BANK1: variants seen among roughly 807,000 people sequenced by gnomAD.
BANK1 encodes the protein B-cell scaffold protein with ankyrin repeats.
Under a neutral mutation model 94.5 loss-of-function variants are expected in BANK1, and 95 were observed. The observed-to-expected ratio is 1.00, with a 90% CI of 0.85 to 1.19. BANK1 has a LOEUF of 1.19. Ranked by LOEUF, BANK1 falls within the 50% of genes most tolerant of loss-of-function variation. The pLI is 0.00. For synonymous variants in BANK1, 334 were observed against 308.4 expected, an observed-to-expected ratio of 1.08 and a Z score of -0.87; for missense variants, 987 against 932.2, an observed-to-expected ratio of 1.06 and a Z score of -0.77.
intron 7 of BANK1, among the ~76,000 whole-genome samples, chr4:101,952,488 C>T (rs1268367336): frequency 1.3e-5 from 2 of 152,006 alleles, no homozygotes; most frequent in Admixed American, 1.3e-4. Context: ...AGCGAAAGGA[C>T]ATTTATATTT....
Position 101,790,885 on chromosome 4 carries a change from T to A in BANK1, c.5T>A (p.Leu2Gln). 6.5e-7 allele frequency: 1 copy of A among 1,538,940 alleles called. No homozygotes were observed. Among genetic ancestry groups the A allele is most frequent in the Non-Finnish European group, 8.7e-7 (1 of 1,146,762 alleles). M[L>Q]PAAPGKGLGS... ...CCCTCGGCTTCAACCGCCACAATGC[T>A]GCCAGCAGCGCCAGGCAAGGGGCTT... Residue 2 changes from leucine to glutamine, a missense_variant, in exon 1 of 17, where the codon CTG becomes CAG. Coordinates refer to ENST00000322953, the MANE Select transcript of BANK1 (RefSeq NM_017935.5).
chr4:101,992,316 A>T (rs1372219079), intron 7 of BANK1, among the ~76,000 whole-genome samples: 1 of 152,196 alleles, frequency 6.6e-6, no homozygotes, highest in Non-Finnish European at 1.5e-5. Context: ...ATATAATTTT[A>T]AAAAGAAGGG....
At chr4:101,818,015 C>G (rs1381081155) in intron 1 of BANK1, among the ~76,000 whole-genome samples, 1 of 152,048 alleles carries the variant, frequency 6.6e-6, no homozygotes, top group African/African-American at 2.4e-5. Flanking sequence ...TATGGTTTAT[C>G]CTTCACACTC....
At chr4:101,967,730 CCTTAA>C (rs1724812044) in intron 7 of BANK1, among the ~76,000 whole-genome samples, 2 of 151,790 alleles carry the variant, frequency 1.3e-5, no homozygotes, top group Non-Finnish European at 2.9e-5. Context: ...TTGGATTAAA[CCTTAA>C]CTTAATTATT....
rs1722773071 is a variant in BANK1, at chr4:101,914,667, G to A, written c.1010-3326G>A. Among the ~76,000 whole-genome samples, 7 of 152,092 alleles carry A rather than the reference G, an allele frequency of 4.6e-5. No individual in the cohort carries two copies. The South Asian group carries it at 1.4e-3, about 32-fold the overall frequency. On this transcript the variant is annotated intron_variant, in intron 6 of 16. Transcript: ENST00000322953. ...ATTGATACATAACCTTGCTTTATGTGTGTTTCTGTTTAAAAATACCTTATT... is the reference window on the plus strand; with the variant it reads ...ATTGATACATAACCTTGCTTTATGTATGTTTCTGTTTAAAAATACCTTATT...
chr4:101,817,891 G>A (rs538358115), intron 1 of BANK1, among the ~76,000 whole-genome samples: 38 of 151,504 alleles, frequency 2.5e-4, no homozygotes, highest in African/African-American at 9.2e-4. Flanking sequence ...TTTATATGTG[G>A]CCCGAGACAA....
At chr4:101,839,983 TTTTG>T in intron 2 of BANK1, among the ~76,000 whole-genome samples, 1 of 91,782 alleles carries the variant, frequency 1.1e-5, no homozygotes, top group Admixed American at 1.4e-4. Flanking sequence ...TTTTTTTTTT[TTTTG>T]AGACAGAGTC....
intron 2 of BANK1, among the ~76,000 whole-genome samples, chr4:101,831,008 C>T (rs1560592088): frequency 1.3e-5 from 2 of 152,172 alleles, no homozygotes; most frequent in Non-Finnish European, 2.9e-5. Context: ...CAAATAGTCC[C>T]TCTTCTCTAA....
At chr4:101,903,179 A>G (rs563336355) in intron 6 of BANK1, among the ~76,000 whole-genome samples, 132 of 152,310 alleles carry the variant, frequency 8.7e-4, no homozygotes, top group African/African-American at 3.1e-3. Context: ...AGCACCTTCA[A>G]TTGGTTTGGA....
At chr4:101,840,782 T>C (rs1392281885) in intron 2 of BANK1, among the ~76,000 whole-genome samples, 2 of 152,130 alleles carry the variant, frequency 1.3e-5, no homozygotes, top group Non-Finnish European at 2.9e-5. Context: ...CACCTCTGTA[T>C]TTCTGTGTGT....
intron 1 of BANK1, among the ~76,000 whole-genome samples, chr4:101,826,696 A>G (rs993521176): frequency 6.6e-6 from 1 of 151,992 alleles, no homozygotes; most frequent in Non-Finnish European, 1.5e-5. Context: ...GAATAACAGA[A>G]CTATATTGAT....
At position 101,883,171 on chromosome 4, in the gene BANK1, A is replaced by G. The variant is rs536116518; in HGVS notation, c.904-12134A>G. Among the ~76,000 whole-genome samples the G allele has an allele frequency of 5.3e-5, 8 of 152,362 alleles. No individual in the cohort carries two copies. The South Asian group carries it at 1.7e-3, about 32-fold the overall frequency. ...CTGTAATAATAGTCAAAGGAAAATA[A>G]TTCCAAATTGGGGTAGTTCAGATTT... On this transcript the variant is annotated intron_variant, in intron 5 of 16. Coordinates refer to ENST00000322953, the MANE Select transcript of BANK1 (RefSeq NM_017935.5).
intron 7 of BANK1, among the ~76,000 whole-genome samples, chr4:102,006,363 T>TTCTA (rs1208022595): frequency 2.6e-5 from 4 of 152,106 alleles, no homozygotes; most frequent in Admixed American, 2.6e-4. Flanking sequence ...CTTCTAGAGA[T>TTCTA]TCTAACTTAA....
At chr4:101,986,405 T>C (rs1320686014) in intron 7 of BANK1, among the ~76,000 whole-genome samples, 3 of 152,068 alleles carry the variant, frequency 2.0e-5, no homozygotes, top group African/African-American at 7.2e-5. Flanking sequence ...TCCCTCTTCA[T>C]GAAATAACAT....
intron 8 of BANK1, among the ~76,000 whole-genome samples, chr4:102,024,660 A>T (rs913032652): frequency 2.0e-5 from 3 of 152,086 alleles, no homozygotes; most frequent in African/African-American, 7.2e-5. Flanking sequence ...AACTTTTCCC[A>T]AGTAATAGCT....
At chr4:102,016,963 G>A (rs1313081157) in intron 7 of BANK1, among the ~76,000 whole-genome samples, 1 of 152,132 alleles carries the variant, frequency 6.6e-6, no homozygotes, top group Non-Finnish European at 1.5e-5. Context: ...GAGGGACAAA[G>A]ATGAAACCCA....
chr4:101,838,834 A>G (rs186251229), intron 2 of BANK1, among the ~76,000 whole-genome samples: 213 of 152,344 alleles, frequency 1.4e-3, no homozygotes, highest in African/African-American at 4.9e-3. Context: ...TTCAAGACAG[A>G]CACTTTAAAC....
chr4:101,870,584 A>G lies in BANK1; in HGVS notation c.843A>G (p.Pro281=). The change falls in exon 5 of 17, where the codon CCA becomes CCG. Residue 281 remains proline, a synonymous_variant. Coordinates refer to ENST00000322953, the MANE Select transcript of BANK1 (RefSeq NM_017935.5). The stretch of plus-strand genomic sequence containing the variant: ...CTACAACCAAAATTAAGTACTACCC[A>G]ACAGCAAAGGCAAAGGAATGCCTAT... ...VKATTKIKYY[P]TAKAKECLFR... 1 of 1,612,968 alleles carries G rather than the reference A, an allele frequency of 6.2e-7. No individual in the cohort carries two copies. The highest frequency in any genetic ancestry group is 1.3e-5 in the African/African-American group (1 of 74,998).
chr4:101,996,881 A>G (rs1725897317), intron 7 of BANK1, among the ~76,000 whole-genome samples: 1 of 152,184 alleles, frequency 6.6e-6, no homozygotes, highest in Admixed American at 6.5e-5. Context: ...GCAAACAGAG[A>G]CAATTTGACT....
Sources: allele counts gnomAD v4.1 joint callset (sites outside exome capture counted in the v4.1 genomes callset), GRCh38; gene constraint gnomAD v4.1.1; transcripts MANE v1.5; gene names NCBI Gene and HGNC (gene_info 2026-07-23, HGNC 2026-07-21).